HS1BP3: variants seen among roughly 807,000 people sequenced by gnomAD.
HS1BP3 encodes the protein HCLS1-binding protein 3.
In HS1BP3, 32 loss-of-function variants were observed where a neutral mutation model predicts 33.5. The observed-to-expected ratio is 0.95, with a 90% confidence interval of 0.72 to 1.28. The LOEUF (loss-of-function observed/expected upper bound fraction) is 1.28. HS1BP3 is among the 50% of genes most tolerant of loss of function. The pLI, the probability that HS1BP3 is intolerant of heterozygous loss-of-function variation, is 0.00. For synonymous variants in HS1BP3, 187 were observed against 209.2 expected (o/e 0.89, Z 0.92); for missense variants, 486 against 502.3 (o/e 0.97, Z 0.31).
intron 3 of HS1BP3, among the ~76,000 whole-genome samples, chr2:20,595,691 A>G (rs551199211): frequency 9.9e-4 from 151 of 152,320 alleles, no homozygotes; most frequent in African/African-American, 3.3e-3. Flanking sequence ...CTTCCGTGAC[A>G]TAAATGCAAA....
downstream of HS1BP3, among the ~76,000 whole-genome samples, chr2:20,614,083 A>G (rs1694369406): frequency 6.6e-6 from 1 of 152,202 alleles, no homozygotes; most frequent in Admixed American, 6.5e-5. Flanking sequence ...CCGTGTGAAG[A>G]CACAGACACA....
intron 4 of HS1BP3, among the ~76,000 whole-genome samples, chr2:20,633,100 T>A (rs1446549718): frequency 5.3e-5 from 8 of 152,316 alleles, no homozygotes; most frequent in Admixed American, 5.2e-4. Context: ...AGAAACAGGC[T>A]TGGAGAAGTA....
At chr2:20,649,672 G>C (rs1291330923) in intron 1 of HS1BP3, among the ~76,000 whole-genome samples, 1 of 152,262 alleles carries the variant, frequency 6.6e-6, no homozygotes, top group Non-Finnish European at 1.5e-5. Context: ...GATCGGGCTG[G>C]AAAGAGGAGC....
At chr2:20,600,055 C>T (rs1013262131) in intron 2 of HS1BP3, among the ~76,000 whole-genome samples, 3 of 152,192 alleles carry the variant, frequency 2.0e-5, no homozygotes, top group South Asian at 2.1e-4. Flanking sequence ...AGTTAAGCTT[C>T]CTTCCTGGGG....
chr2:20,586,455 T>C (rs1693687606), intron 5 of HS1BP3: 1 of 152,160 alleles, frequency 6.6e-6, no homozygotes, highest in Admixed American at 6.5e-5. Context: ...AGCAAGCGCA[T>C]TCCAGATGTT....
chr2:20,640,174 C>T (rs1300735054), intron 3 of HS1BP3: 1 of 152,290 alleles, frequency 6.6e-6, no homozygotes, highest in African/African-American at 2.4e-5. Flanking sequence ...GAGTCCGGCA[C>T]CAGCAGTGGT....
At chr2:20,583,253 C>T (rs1693578957) in intron 5 of HS1BP3, among the ~76,000 whole-genome samples, 1 of 152,262 alleles carries the variant, frequency 6.6e-6, no homozygotes. Context: ...CAGAAACCAG[C>T]TTTGGCTAAC....
intron 3 of HS1BP3, among the ~76,000 whole-genome samples, chr2:20,594,097 C>T (rs1047155131): frequency 3.9e-5 from 6 of 152,232 alleles, no homozygotes; most frequent in African/African-American, 1.4e-4. Flanking sequence ...GGGATGGCTA[C>T]AATAGCTTGC....
downstream of HS1BP3, among the ~76,000 whole-genome samples, chr2:20,589,339 G>A (rs1693756469): frequency 6.6e-6 from 1 of 152,152 alleles, no homozygotes; most frequent in Non-Finnish European, 1.5e-5. Context: ...TCTGACATGG[G>A]CGAGACCTCC....
chr2:20,574,085 C>G (rs891487716), intron 5 of HS1BP3, among the ~76,000 whole-genome samples: 1 of 152,218 alleles, frequency 6.6e-6, no homozygotes, highest in African/African-American at 2.4e-5. Flanking sequence ...ATGTTCACAG[C>G]AGGGAAAACA....
At position 20,644,214 on chromosome 2, in the gene HS1BP3, T is replaced by C. The variant is rs117093440; in HGVS notation, c.198+1126A>G. Among the ~76,000 whole-genome samples, 124 of 152,238 alleles carry C rather than the reference T, an allele frequency of 8.1e-4. No individual in the cohort carries two copies. In the East Asian group the frequency reaches 0.02, roughly 24 times the overall value. The stretch of plus-strand genomic sequence containing the variant: ...CAATGAGTGTGTGATCTCAACCCTC[T>C]TGAAATTCTCTCCTCCCTTAGCTCC... On this transcript the variant is annotated intron_variant, in intron 2 of 6. Transcript: ENST00000304031.
intron 5 of HS1BP3, among the ~76,000 whole-genome samples, chr2:20,568,509 A>T (rs1445183669): frequency 6.6e-6 from 1 of 152,150 alleles, no homozygotes; most frequent in Non-Finnish European, 1.5e-5. Context: ...CAGAGCAGCA[A>T]CAGGATCAGA....
chr2:20,611,863 C>T lies in HS1BP3; in HGVS notation c.178+12033G>A, dbSNP rs1482883305. On this transcript the variant is annotated intron_variant, in intron 2 of 3. Transcript: ENST00000415264. This position sits in a 1 kb window ranked among gnomAD's most constrained non-coding sequence, Gnocchi z 4.9. ...AGCTGAGAGATGGCAGAGGGTGGCA[C>T]AGCCTCCTCCCGCACCTACAACCAC... is the stretch of plus-strand genomic sequence containing the variant. 6.6e-6 allele frequency among the ~76,000 whole-genome samples: 1 copy of T among 152,228 alleles called. No individual in the cohort carries two copies. Among genetic ancestry groups the T allele is most frequent in the Non-Finnish European group, 1.5e-5 (1 of 68,042 alleles).
intron 1 of HS1BP3, 51 bp downstream of exon 1, chr2:20,650,981 G>T: frequency 8.1e-7 from 1 of 1,228,118 alleles, no homozygotes; most frequent in Non-Finnish European, 1.0e-6. Context: ...TCTCCGCCCG[G>T]GCGCCCCGGA....
intron 5 of HS1BP3, among the ~76,000 whole-genome samples, chr2:20,563,537 G>A (rs963650068): frequency 6.6e-6 from 1 of 152,194 alleles, no homozygotes; most frequent in Non-Finnish European, 1.5e-5. Flanking sequence ...GGCCAGGTGT[G>A]GAGGGGCAGG....
downstream of HS1BP3, among the ~76,000 whole-genome samples, chr2:20,556,080 T>C (rs1385589329): frequency 1.3e-5 from 2 of 152,256 alleles, no homozygotes; most frequent in Non-Finnish European, 2.9e-5. Flanking sequence ...CCCATCTCAC[T>C]ACCCAGAAGA....
chr2:20,608,548 C>T (rs1393665553), intron 2 of HS1BP3, among the ~76,000 whole-genome samples: 4 of 141,240 alleles, frequency 2.8e-5, no homozygotes, highest in South Asian at 2.3e-4. Context: ...CACCCCAGCC[C>T]GGGCAACAAG....
intron 6 of HS1BP3, chr2:20,623,674 T>C (rs1694674964): frequency 1.3e-5 from 6 of 453,608 alleles, no homozygotes; most frequent in Admixed American, 4.1e-5. Flanking sequence ...CACAAAGTTC[T>C]CTCTTTCTGG....
chr2:20,605,552 A>G (rs1694157706), intron 2 of HS1BP3, among the ~76,000 whole-genome samples: 1 of 151,598 alleles, frequency 6.6e-6, no homozygotes, highest in Non-Finnish European at 1.5e-5. Flanking sequence ...CTTCCGGAAT[A>G]TGTCATCACC....
Sources: allele counts gnomAD v4.1 joint callset (sites outside exome capture counted in the v4.1 genomes callset), GRCh38; gene constraint gnomAD v4.1.1; non-coding constraint Gnocchi (gnomAD v3.1); transcripts MANE v1.5; gene names NCBI Gene and HGNC (gene_info 2026-07-23, HGNC 2026-07-21).